Variants in NOX4 observed in about 807,000 individuals in gnomAD.
The protein encoded by NOX4 is NADPH oxidase 4.
NOX4 carries 69 observed loss-of-function variants against 87.6 expected under a neutral mutation model. The ratio of observed to expected loss-of-function variants is 0.79; its 90% CI spans 0.65 to 0.96. The LOEUF (loss-of-function observed/expected upper bound fraction) is 0.96. NOX4 is among the 40% of genes least tolerant of loss of function. The pLI, the probability that NOX4 is intolerant of heterozygous loss-of-function variation, is 0.00. For synonymous variants in NOX4, 275 were observed against 238.2 expected, an observed-to-expected ratio of 1.15 and a Z score of -1.42; for missense variants, 680 against 681.5, an observed-to-expected ratio of 1.00 and a Z score of 0.02.
At chr11:89,490,958 C>G (rs1171845678) in intron 1 of NOX4, 2 of 662,362 alleles carry the variant, frequency 3.0e-6, no homozygotes, top group Admixed American at 2.2e-5. Context: ...CCCTCTTCCT[C>G]CACATCTCTC....
At chr11:89,465,479 C>A (rs139362154) in intron 2 of NOX4, among the ~76,000 whole-genome samples, 2 of 152,036 alleles carry the variant, frequency 1.3e-5, no homozygotes, top group South Asian at 4.2e-4. Flanking sequence ...TGATTTATAA[C>A]CCTTTGGGTA....
chr11:89,342,829 CAGAG>C (rs376592787), intron 13 of NOX4, among the ~76,000 whole-genome samples: 12 of 149,946 alleles, frequency 8.0e-5, no homozygotes, highest in East Asian at 3.9e-4. Context: ...GTGTGTGAGA[CAGAG>C]AGAGAGAGAG....
chr11:89,527,173 G>A, the NOX4 span, among the ~76,000 whole-genome samples: 1 of 152,156 alleles, frequency 6.6e-6, no homozygotes, highest in African/African-American at 2.4e-5. Flanking sequence ...AGGGTATCTG[G>A]TGGAAGAAAC....
chr11:89,440,601 A>C (rs2135352680), intron 6 of NOX4, 87 bp downstream of exon 6: 1 of 821,196 alleles, frequency 1.2e-6, no homozygotes, highest in Admixed American at 3.1e-5. Flanking sequence ...CTGGGAATAC[A>C]GGCATGAGCC....
the NOX4 span, among the ~76,000 whole-genome samples, chr11:89,546,070 G>C: frequency 2.0e-5 from 3 of 152,282 alleles, no homozygotes; most frequent in Admixed American, 6.5e-5. Flanking sequence ...GCTGTTAAAA[G>C]TAACATTAGT....
At chr11:89,496,368 A>G (rs1338058685), upstream of NOX4, among the ~76,000 whole-genome samples, 1 of 152,206 alleles carries the variant, frequency 6.6e-6, no homozygotes, top group Non-Finnish European at 1.5e-5. Flanking sequence ...GTTCAATGAA[A>G]GCTTGTTGAA....
chr11:89,418,580 A>G (rs1942918328), intron 8 of NOX4, among the ~76,000 whole-genome samples: 1 of 151,824 alleles, frequency 6.6e-6, no homozygotes, highest in South Asian at 2.1e-4. Context: ...GAGATCTGAA[A>G]TATCACAACG....
At chr11:89,543,869 C>T in the NOX4 span, among the ~76,000 whole-genome samples, 3 of 151,954 alleles carry the variant, frequency 2.0e-5, no homozygotes, top group African/African-American at 4.8e-5. Flanking sequence ...TAGAATTATA[C>T]ACATTTTATT....
At chr11:89,327,727 A>C (rs554196320) in intron 17 of NOX4, among the ~76,000 whole-genome samples, 15 of 152,170 alleles carry the variant, frequency 9.9e-5, no homozygotes, top group Non-Finnish European at 1.9e-4. Context: ...AAGACATTGA[A>C]TCCATTAAAA....
chr11:89,539,934 A>G, the NOX4 span, among the ~76,000 whole-genome samples: 867 of 152,234 alleles, frequency 5.7e-3, 8 homozygotes, highest in African/African-American at 0.02. Context: ...CTCCTGCAGA[A>G]TATACCCTCT....
intron 2 of NOX4, among the ~76,000 whole-genome samples, chr11:89,486,440 T>G (rs997522286): frequency 6.7e-6 from 1 of 149,284 alleles, no homozygotes; most frequent in Admixed American, 6.7e-5. Flanking sequence ...ATTACATGCA[T>G]GTGCCACCAC....
At position 89,421,913 on chromosome 11, in the gene NOX4, C is replaced by T. The variant is rs899588531; in HGVS notation, c.618G>A (p.Leu206=). ...ATTTGTAAACTTACCCTGAAACATG[C>T]AACGTCAGCAGCATGTAGAAGACAA... ...LFFVFYMLLT[L]HVSGGLLKYQ... The change falls in exon 8 of 18, where the codon TTG becomes TTA. Residue 206 remains leucine, a synonymous_variant. Transcript: ENST00000263317. 2 of 1,565,520 alleles carry T rather than the reference C, an allele frequency of 1.3e-6. No individual in the cohort carries two copies. The highest frequency in any genetic ancestry group is 1.7e-6 in the Non-Finnish European group (2 of 1,158,836).
At chr11:89,408,104 T>G (rs1942285181) in intron 8 of NOX4, among the ~76,000 whole-genome samples, 1 of 152,134 alleles carries the variant, frequency 6.6e-6, no homozygotes, top group African/African-American at 2.4e-5. Context: ...ATTTTAAAAT[T>G]TATTGCAGTT....
chr11:89,529,072 G>T, the NOX4 span, among the ~76,000 whole-genome samples: 3 of 151,966 alleles, frequency 2.0e-5, no homozygotes, highest in East Asian at 1.9e-4. Context: ...TGTAGAAAGA[G>T]AAAGAATTAA....
At chr11:89,460,097 T>C (rs1401260653) in intron 2 of NOX4, among the ~76,000 whole-genome samples, 2 of 152,158 alleles carry the variant, frequency 1.3e-5, no homozygotes, top group Non-Finnish European at 2.9e-5. Context: ...TTGGGAAAAC[T>C]AGCTAGCCAT....
intron 1 of NOX4, 85 bp from the exon 2 acceptor site, chr11:89,490,638 G>A (rs764831131): frequency 7.3e-6 from 7 of 952,402 alleles, no homozygotes; most frequent in East Asian, 2.4e-5. Flanking sequence ...TAAATTCTTC[G>A]ACACAGTGCT....
chr11:89,526,116 A>G, the NOX4 span, among the ~76,000 whole-genome samples: 1 of 152,164 alleles, frequency 6.6e-6, no homozygotes, highest in Admixed American at 6.6e-5. Context: ...TAGGTCTTGA[A>G]AGCAGCTTGT....
chr11:89,486,604 ATATATG>A (rs1218799269), intron 2 of NOX4, among the ~76,000 whole-genome samples: 2 of 103,904 alleles, frequency 1.9e-5, no homozygotes, highest in African/African-American at 9.4e-5. Context: ...ATATATACAT[ATATATG>A]TGTGTATATA....
intron 7 of NOX4, among the ~76,000 whole-genome samples, chr11:89,430,923 C>A (rs1453966794): frequency 6.6e-6 from 1 of 152,158 alleles, no homozygotes; most frequent in African/African-American, 2.4e-5. Flanking sequence ...AAGAACAAAG[C>A]TGGAGGCATC....
Sources: allele counts gnomAD v4.1 joint callset (sites outside exome capture counted in the v4.1 genomes callset), GRCh38; gene constraint gnomAD v4.1.1; transcripts MANE v1.5; gene names NCBI Gene and HGNC (gene_info 2026-07-23, HGNC 2026-07-21).